The following GRM5 variants were observed in gnomAD, a reference collection of about 807,000 sequenced individuals.
GRM5 encodes the protein glutamate metabotropic receptor 5, also known as metabotropic glutamate receptor 5.
Under a neutral mutation model 83.1 loss-of-function variants are expected in GRM5, and 19 were observed. That is an observed-to-expected ratio of 0.23 (90% CI 0.16 to 0.34). The LOEUF is 0.34. Among genes scored for constraint, GRM5 ranks in the 10% least tolerant of loss-of-function variants. The pLI is 1.00. For synonymous variants in GRM5, 675 were observed against 633.6 expected, an observed-to-expected ratio of 1.07 and a Z score of -0.98; for missense variants, 1,160 against 1,588.3, an observed-to-expected ratio of 0.73 and a Z score of 4.58.
intron 3 of GRM5, among the ~76,000 whole-genome samples, chr11:88,832,500 T>C (rs1015753872): frequency 3.3e-5 from 5 of 152,164 alleles, no homozygotes; most frequent in Admixed American, 1.3e-4. Context: ...CCCGTATTCA[T>C]AGATTGAAAG....
At chr11:88,998,837 A>C (rs1940277477) in intron 2 of GRM5, among the ~76,000 whole-genome samples, 1 of 152,200 alleles carries the variant, frequency 6.6e-6, no homozygotes, top group Admixed American at 6.5e-5. Context: ...AATCACTAAA[A>C]AATGGTGTAT....
intron 4 of GRM5, among the ~76,000 whole-genome samples, chr11:88,641,307 G>A (rs910661897): frequency 6.6e-6 from 1 of 151,794 alleles, no homozygotes. Flanking sequence ...ACCATGATCC[G>A]ATCACCTACC....
intron 3 of GRM5, among the ~76,000 whole-genome samples, chr11:88,753,157 C>T (rs1942318952): frequency 6.6e-6 from 1 of 151,760 alleles, no homozygotes; most frequent in African/African-American, 2.4e-5. Flanking sequence ...AACTATCAGA[C>T]TGAACAGACA....
At chr11:88,618,116 C>A (rs1051430059) in intron 4 of GRM5, among the ~76,000 whole-genome samples, 2 of 152,120 alleles carry the variant, frequency 1.3e-5, no homozygotes, top group African/African-American at 4.8e-5. Context: ...GATAGCACTG[C>A]AAAGGCTTTG....
intron 2 of GRM5, among the ~76,000 whole-genome samples, chr11:88,945,260 A>G (rs948824114): frequency 1.3e-5 from 2 of 152,086 alleles, no homozygotes; most frequent in Non-Finnish European, 2.9e-5. Flanking sequence ...AAACAAATGA[A>G]AAAACATTTC....
chr11:88,871,224 A>G (rs141201762), intron 2 of GRM5, among the ~76,000 whole-genome samples: 1 of 151,648 alleles, frequency 6.6e-6, no homozygotes, highest in African/African-American at 2.4e-5. Context: ...CCAGATGAAG[A>G]AACTACAGCA....
chr11:88,690,604 TGA>T (rs1166178637), intron 3 of GRM5, among the ~76,000 whole-genome samples: 5 of 152,212 alleles, frequency 3.3e-5, no homozygotes, highest in African/African-American at 1.2e-4. Context: ...TGAAAACTGC[TGA>T]GAGTGCCTAT....
At chr11:88,721,752 G>T (rs1377008452) in intron 3 of GRM5, among the ~76,000 whole-genome samples, 1 of 152,032 alleles carries the variant, frequency 6.6e-6, no homozygotes, top group Non-Finnish European at 1.5e-5. Flanking sequence ...ATGCCTCTCA[G>T]TAATGAAGTT....
At position 88,543,970 on chromosome 11, in the gene GRM5, G is replaced by A. The variant is rs1459899615; in HGVS notation, c.2631-18566C>T. On this transcript the variant is annotated intron_variant, in intron 8 of 9. Transcript: ENST00000305447. ...GATTTTGTGAGGGCTCTGCCCTCACGAATGGATTAATGTTGTTATCATGGG... is the reference window on the plus strand; with the variant it reads ...GATTTTGTGAGGGCTCTGCCCTCACAAATGGATTAATGTTGTTATCATGGG... 3.9e-5 allele frequency among the ~76,000 whole-genome samples: 6 copies of A among 152,162 alleles called. No individual in the cohort carries two copies. In the East Asian group the frequency reaches 7.8e-4, roughly 20 times the overall value.
At chr11:88,560,757 C>T (rs565469138) in intron 8 of GRM5, among the ~76,000 whole-genome samples, 172 of 152,186 alleles carry the variant, frequency 1.1e-3, no homozygotes, top group South Asian at 4.6e-3. Context: ...GATATAAATA[C>T]GCTGAAGACA....
chr11:88,635,181 T>A (rs963871777), intron 4 of GRM5, among the ~76,000 whole-genome samples: 2 of 152,238 alleles, frequency 1.3e-5, no homozygotes, highest in African/African-American at 4.8e-5. Context: ...CCTTTGGATA[T>A]ATATCCAGAA....
intron 2 of GRM5, among the ~76,000 whole-genome samples, chr11:89,021,760 T>G (rs750615713): frequency 1.3e-5 from 2 of 152,230 alleles, no homozygotes; most frequent in Non-Finnish European, 2.9e-5. Flanking sequence ...ACTTAAGTTG[T>G]CAGAGTCTCA....
chr11:88,987,017 G>C (rs528747769), intron 2 of GRM5, among the ~76,000 whole-genome samples: 1 of 151,492 alleles, frequency 6.6e-6, no homozygotes, highest in East Asian at 1.9e-4. Flanking sequence ...CAAGATGGCC[G>C]AATAGGAACA....
intron 2 of GRM5, among the ~76,000 whole-genome samples, chr11:89,025,715 A>G (rs1484470322): frequency 5.9e-5 from 9 of 152,238 alleles, no homozygotes; most frequent in African/African-American, 2.2e-4. Context: ...TGCATAGAAA[A>G]AAGAATACAT....
At chr11:88,930,548 A>G (rs927725347) in intron 2 of GRM5, among the ~76,000 whole-genome samples, 10 of 151,872 alleles carry the variant, frequency 6.6e-5, no homozygotes, top group African/African-American at 2.4e-4. Flanking sequence ...TTGAGATGGG[A>G]GTTTCGCTCT....
chr11:88,604,483 T>C (rs1334284047), intron 5 of GRM5, among the ~76,000 whole-genome samples: 1 of 152,156 alleles, frequency 6.6e-6, no homozygotes, highest in Non-Finnish European at 1.5e-5. Context: ...TTAGTTTAGG[T>C]CTCTGAAATG....
chr11:88,796,529 A>G (rs1372865479), intron 3 of GRM5, among the ~76,000 whole-genome samples: 2 of 152,136 alleles, frequency 1.3e-5, no homozygotes, highest in East Asian at 3.9e-4. Context: ...TTTGACTTCA[A>G]TTCTGTATGG....
intron 8 of GRM5, among the ~76,000 whole-genome samples, chr11:88,566,325 A>G (rs1942873485): frequency 6.6e-6 from 1 of 152,172 alleles, no homozygotes; most frequent in Non-Finnish European, 1.5e-5. Flanking sequence ...ATATGGGGGA[A>G]ATCATTGGCT....
rs905493158 is a variant in GRM5, at chr11:88,644,898, A to G, written c.1147+8270T>C. ...CAGGAGAGCACTGTGGGGAAATGCT[A>G]CAGGGAAAGAAATTTATTTTGGTCA... On this transcript the variant is annotated intron_variant, in intron 4 of 9. Coordinates refer to ENST00000305447, the MANE Select transcript of GRM5 (RefSeq NM_001143831.3). 9.2e-5 allele frequency among the ~76,000 whole-genome samples: 14 copies of G among 152,220 alleles called. No homozygotes were observed. The East Asian group carries it at 2.1e-3, about 23-fold the overall frequency.
Sources: gnomAD v4.1 joint callset for allele counts (sites outside exome capture counted in the v4.1 genomes callset) on GRCh38, gnomAD v4.1.1 for gene constraint, MANE v1.5 for transcripts, NCBI Gene and HGNC (gene_info 2026-07-23, HGNC 2026-07-21) for gene names.